The following PTPRG variants were observed in gnomAD, a reference collection of about 807,000 sequenced individuals.
PTPRG encodes protein tyrosine phosphatase receptor type G, also known as receptor-type tyrosine-protein phosphatase gamma.
Under a neutral mutation model 165.3 loss-of-function variants are expected in PTPRG, and 102 were observed. The observed-to-expected ratio is 0.62, with a 90% confidence interval of 0.53 to 0.73. The LOEUF (loss-of-function observed/expected upper bound fraction) is 0.73, where lower values mean the gene tolerates loss of function less well. PTPRG is among the 30% of genes least tolerant of loss of function. PTPRG has a pLI of 0.00. For missense variants in PTPRG, 1,866 were observed against 1,861.4 expected, an observed-to-expected ratio of 1.00 and a Z score of -0.05; for synonymous variants, 675 against 669.5, an observed-to-expected ratio of 1.01 and a Z score of -0.13.
At position 61,721,826 on chromosome 3, in the gene PTPRG, AGAT is replaced by A. The variant is rs1255772171; in HGVS notation, c.86-27051_86-27049del. Among the ~76,000 whole-genome samples the A allele has an allele frequency of 2.6e-5, 4 of 152,172 alleles. No homozygotes were observed. The East Asian group carries it at 7.7e-4, about 29-fold the overall frequency. Reference sequence around the variant, plus strand: ...AGAAATAAGTTAGTATAAATACTGGAGATCCAGAAGTAGTGTATTTCCAGACAA... The same window carrying A: ...AGAAATAAGTTAGTATAAATACTGGACCAGAAGTAGTGTATTTCCAGACAA... On this transcript the variant is annotated intron_variant, in intron 1 of 29. Transcript: ENST00000474889.
In PTPRG at chr3:62,220,118, G is replaced by C. The variant is rs145023956; in HGVS notation, c.2288+1135G>C. 4.9e-3 allele frequency among the ~76,000 whole-genome samples: 749 copies of C among 152,336 alleles called. 6 individuals carry two copies. The highest frequency in any genetic ancestry group is 0.017 in the African/African-American group (720 of 41,570). ...GCCCTGAGGCAAGGGCATGCCTGGT[G>C]TGCACCAGGAACAGCCAGAGGTCAG... On this transcript the variant is annotated intron_variant, in intron 13 of 29. Coordinates refer to ENST00000474889, the MANE Select transcript of PTPRG (RefSeq NM_002841.4).
At chr3:62,072,292 G>A (rs1701233703) in intron 4 of PTPRG, among the ~76,000 whole-genome samples, 1 of 152,164 alleles carries the variant, frequency 6.6e-6, no homozygotes, top group African/African-American at 2.4e-5. Flanking sequence ...TTTAGGACAT[G>A]TTTCCTGGTC....
chr3:62,078,260 T>C lies in PTPRG; in HGVS notation c.615+2T>C. The C allele has an allele frequency of 6.3e-7, 1 of 1,579,826 alleles. No homozygotes were observed. Among genetic ancestry groups the C allele is most frequent in the Non-Finnish European group, 8.6e-7 (1 of 1,158,158 alleles). ...GGAGCCATGGCCATATTTTTTCAAG[T>C]AAGTTAACAGTGGCTGAAGTACTTC... On this transcript the variant is annotated splice_donor_variant, in intron 5 of 29. Transcript: ENST00000474889. LOFTEE classifies it high-confidence loss of function.
chr3:62,058,893 T>C (rs1700716546), intron 4 of PTPRG, among the ~76,000 whole-genome samples: 1 of 152,226 alleles, frequency 6.6e-6, no homozygotes, highest in Admixed American at 6.5e-5. Flanking sequence ...AACTGCATTA[T>C]GATCCCTGCT....
chr3:61,632,513 A>C (rs888672203), intron 1 of PTPRG, among the ~76,000 whole-genome samples: 1 of 152,204 alleles, frequency 6.6e-6, no homozygotes, highest in Non-Finnish European at 1.5e-5. Flanking sequence ...TAATTTTGCT[A>C]TATGTTCAGC....
intron 2 of PTPRG, among the ~76,000 whole-genome samples, chr3:61,853,344 G>A (rs2037018332): frequency 6.6e-6 from 1 of 152,198 alleles, no homozygotes; most frequent in African/African-American, 2.4e-5. Context: ...GTGACACTGT[G>A]TGACTTCTTA....
chr3:62,243,139 C>T (rs1701203204), intron 14 of PTPRG, among the ~76,000 whole-genome samples: 1 of 151,990 alleles, frequency 6.6e-6, no homozygotes, highest in African/African-American at 2.4e-5. Context: ...GATGGCTTTT[C>T]TCTTCATTGC....
At chr3:62,093,382 C>A (rs1485124157) in intron 5 of PTPRG, among the ~76,000 whole-genome samples, 2 of 152,244 alleles carry the variant, frequency 1.3e-5, no homozygotes, top group Non-Finnish European at 2.9e-5. Context: ...ATTCTCTTCT[C>A]ATTTTATAGT....
intron 1 of PTPRG, among the ~76,000 whole-genome samples, chr3:61,676,783 T>G (rs1703248635): frequency 6.6e-6 from 1 of 152,126 alleles, no homozygotes; most frequent in African/African-American, 2.4e-5. Context: ...TCATCAGGGA[T>G]AGTTGGAGCC....
At chr3:61,751,850 A>T (rs1575633713) in intron 2 of PTPRG, among the ~76,000 whole-genome samples, 1 of 151,994 alleles carries the variant, frequency 6.6e-6, no homozygotes, top group African/African-American at 2.4e-5. Context: ...AAAATTAGCC[A>T]GGCGTAGCGG....
At chr3:62,173,744 C>G (rs904327136) in intron 8 of PTPRG, among the ~76,000 whole-genome samples, 2 of 149,868 alleles carry the variant, frequency 1.3e-5, no homozygotes, top group Non-Finnish European at 3.0e-5. Context: ...CTCCCCGCCT[C>G]CTCTGTTCCC....
intron 1 of PTPRG, among the ~76,000 whole-genome samples, chr3:61,668,449 T>C (rs1702870674): frequency 6.6e-6 from 1 of 152,322 alleles, no homozygotes; most frequent in African/African-American, 2.4e-5. Context: ...CTTTCTGTTT[T>C]TCTCGCTGCT....
chr3:62,114,052 A>G (rs992500765), intron 5 of PTPRG, among the ~76,000 whole-genome samples: 1 of 152,230 alleles, frequency 6.6e-6, no homozygotes, highest in African/African-American at 2.4e-5. Context: ...TAATGCCAGC[A>G]CTTTGGGAGG....
chr3:61,797,041 G>A (rs541804856), intron 2 of PTPRG, among the ~76,000 whole-genome samples: 1 of 152,190 alleles, frequency 6.6e-6, no homozygotes, highest in African/African-American at 2.4e-5. Context: ...GTAGGAAAAC[G>A]TAGAGCAGCT....
At chr3:61,975,491 A>G (rs2040482307) in intron 2 of PTPRG, among the ~76,000 whole-genome samples, 1 of 152,122 alleles carries the variant, frequency 6.6e-6, no homozygotes, top group Non-Finnish European at 1.5e-5. Flanking sequence ...ATTTCTAATG[A>G]GGTTCTTCAC....
At position 62,195,076 on chromosome 3, in the gene PTPRG, C is replaced by T. The variant is rs1345876101; in HGVS notation, c.1233C>T (p.Ser411=). The T allele has an allele frequency of 6.2e-7, 1 of 1,614,164 alleles. No individual in the cohort carries two copies. The highest frequency in any genetic ancestry group is 2.2e-5 in the East Asian group (1 of 44,878). ...DSDKDLKATI[S]HVSPDSLYLF... is the part of the protein sequence containing the mutation. The stretch of plus-strand genomic sequence containing the variant: ...TTTACTTACAGAAAGCCACCATTAG[C>T]CATGTCTCACCCGATAGCCTTTACC... Residue 411 remains serine, a synonymous_variant, in exon 10 of 30, where the codon AGC becomes AGT. Coordinates refer to ENST00000474889, the MANE Select transcript of PTPRG (RefSeq NM_002841.4). The surrounding 1 kb of genome is among the most constrained non-coding windows in gnomAD (Gnocchi z 4.4).
At chr3:62,242,554 T>G (rs1471344344) in intron 14 of PTPRG, among the ~76,000 whole-genome samples, 3 of 152,192 alleles carry the variant, frequency 2.0e-5, no homozygotes, top group Non-Finnish European at 4.4e-5. Context: ...CATTTCTGAT[T>G]GCGTGTGGTT....
chr3:61,990,529 T>C (rs549329201), intron 3 of PTPRG, among the ~76,000 whole-genome samples: 1 of 152,332 alleles, frequency 6.6e-6, no homozygotes, highest in South Asian at 2.1e-4. Flanking sequence ...CAATTACTGT[T>C]GTGCAAATAT....
chr3:61,858,103 G>T lies in PTPRG; in HGVS notation c.190+109121G>T, dbSNP rs546836357. ...TTTTTAAAAGGTAATTTTCTCTATGGCCCATTTGTATTGTGGGCGTTGGAA... is the reference window on the plus strand; with the variant it reads ...TTTTTAAAAGGTAATTTTCTCTATGTCCCATTTGTATTGTGGGCGTTGGAA... On this transcript the variant is annotated intron_variant, in intron 2 of 29. Coordinates refer to ENST00000474889, the MANE Select transcript of PTPRG (RefSeq NM_002841.4). 2.0e-5 allele frequency among the ~76,000 whole-genome samples: 3 copies of T among 152,248 alleles called. No individual in the cohort carries two copies. In the East Asian group the frequency reaches 5.8e-4, roughly 29 times the overall value.
Sources: gnomAD v4.1 joint callset for allele counts (sites outside exome capture counted in the v4.1 genomes callset) on GRCh38, gnomAD v4.1.1 for gene constraint, Gnocchi (gnomAD v3.1) non-coding constraint, MANE v1.5 for transcripts, NCBI Gene and HGNC (gene_info 2026-07-23, HGNC 2026-07-21) for gene names.